DLC1: variants seen among roughly 807,000 people sequenced by gnomAD.
DLC1 encodes the protein rho GTPase-activating protein 7.
Under a neutral mutation model 140.3 loss-of-function variants are expected in DLC1, and 54 were observed. That is an observed-to-expected ratio of 0.38 (90% CI 0.31 to 0.48). The LOEUF is 0.48. Among genes scored for constraint, DLC1 ranks in the 20% least tolerant of loss-of-function variants. The probability of loss-of-function intolerance (pLI) is 0.96; values close to 1 mark genes in which losing one functional copy is unlikely to be tolerated. For missense variants in DLC1, 2,536 were observed against 1,907.0 expected (o/e 1.33, Z -6.14); for synonymous variants, 986 against 728.1 (o/e 1.35, Z -5.70).
At chr8:13,279,092 T>G (rs1831272894) in intron 5 of DLC1, among the ~76,000 whole-genome samples, 1 of 152,216 alleles carries the variant, frequency 6.6e-6, no homozygotes, top group Non-Finnish European at 1.5e-5. Context: ...TACTAAGCTA[T>G]GAGCTAATGC....
chr8:13,597,950 A>G (rs1805736932), intron 1 of DLC1, among the ~76,000 whole-genome samples: 1 of 152,060 alleles, frequency 6.6e-6, no homozygotes, highest in South Asian at 2.1e-4. Context: ...GCAGATGTGA[A>G]TAATTTATTG....
chr8:13,565,512 G>A (rs1449720681), intron 1 of DLC1, among the ~76,000 whole-genome samples: 2 of 152,140 alleles, frequency 1.3e-5, no homozygotes, highest in African/African-American at 4.8e-5. Flanking sequence ...ACCATTATAT[G>A]ATAAAATAAA....
At chr8:13,506,595 A>ATACACG (rs1554534400) in intron 1 of DLC1, among the ~76,000 whole-genome samples, 42 of 129,820 alleles carry the variant, frequency 3.2e-4, no homozygotes, top group East Asian at 1.3e-3. Context: ...ATATATATAT[A>ATACACG]TATATATATA....
At chr8:13,302,846 G>A (rs1423809338) in intron 5 of DLC1, among the ~76,000 whole-genome samples, 1 of 151,844 alleles carries the variant, frequency 6.6e-6, no homozygotes, top group Non-Finnish European at 1.5e-5. Flanking sequence ...GAAGCTTACA[G>A]AGATTCATAA....
At chr8:13,452,909 G>C (rs1799134673) in intron 2 of DLC1, among the ~76,000 whole-genome samples, 1 of 152,128 alleles carries the variant, frequency 6.6e-6, no homozygotes, top group Non-Finnish European at 1.5e-5. Context: ...CTAATTTCCG[G>C]ATGAGAATGG....
At chr8:13,150,080 T>C (rs953952716) in intron 5 of DLC1, among the ~76,000 whole-genome samples, 3 of 152,346 alleles carry the variant, frequency 2.0e-5, no homozygotes, top group South Asian at 2.1e-4. Flanking sequence ...ATGTCTTTTG[T>C]GGTCTGGGAT....
intron 5 of DLC1, among the ~76,000 whole-genome samples, chr8:13,124,203 G>C (rs896400147): frequency 6.6e-6 from 1 of 152,192 alleles, no homozygotes; most frequent in Non-Finnish European, 1.5e-5. Context: ...ACATAGGAAA[G>C]ACATGTGTGA....
At chr8:13,579,354 T>A (rs1563454039) in intron 1 of DLC1, among the ~76,000 whole-genome samples, 2 of 31,096 alleles carry the variant, frequency 6.4e-5, no homozygotes, top group African/African-American at 3.0e-4. Context: ...TATATATATA[T>A]ATATATATTT....
intron 5 of DLC1, among the ~76,000 whole-genome samples, chr8:13,157,263 G>T: frequency 6.6e-6 from 1 of 152,048 alleles, no homozygotes; most frequent in Non-Finnish European, 1.5e-5. Context: ...AATAATCTTT[G>T]ACAGTAAAAA....
intron 5 of DLC1, among the ~76,000 whole-genome samples, chr8:13,280,911 C>A (rs192810183): frequency 6.6e-4 from 101 of 152,294 alleles, no homozygotes; most frequent in Non-Finnish European, 1.3e-4. Context: ...TATGAGTGAT[C>A]CAGCCCCTGA....
chr8:13,324,691 T>C (rs1264233958), intron 4 of DLC1, among the ~76,000 whole-genome samples: 1 of 152,310 alleles, frequency 6.6e-6, no homozygotes, highest in East Asian at 1.9e-4. Flanking sequence ...ATATAAACCA[T>C]GTACTTTTAC....
intron 5 of DLC1, among the ~76,000 whole-genome samples, chr8:13,185,288 T>TTTTGTTTGTTTGTTTG (rs555796835): frequency 6.9e-6 from 1 of 144,374 alleles, no homozygotes; most frequent in African/African-American, 2.6e-5. Context: ...TTTCTGTTTT[T>TTTTGTTTGTTTGTTTG]TTTGTTTGTT....
chr8:13,580,900 G>T lies in DLC1; in HGVS notation c.-126+23637C>A, dbSNP rs77774885. ...GATTGTTTTCTATTGTGATGAGGGG[G>T]TGAGGATGGGTGAGGGCTCCCCAGC... On this transcript the variant is annotated intron_variant, in intron 1 of 1. Coordinates refer to the DLC1 transcript ENST00000631382. Among the ~76,000 whole-genome samples, 472 of 152,306 alleles carry T rather than the reference G, an allele frequency of 3.1e-3. 5 individuals are homozygous for T. The highest frequency in any genetic ancestry group is 9.3e-3 in the African/African-American group (388 of 41,568).
chr8:13,490,845 G>A (rs572024482), intron 2 of DLC1, among the ~76,000 whole-genome samples: 1 of 152,026 alleles, frequency 6.6e-6, no homozygotes, highest in Non-Finnish European at 1.5e-5. Flanking sequence ...AACAGCTGAT[G>A]TAAATGTGCG....
chr8:13,164,340 G>A (rs1304144453), intron 5 of DLC1, among the ~76,000 whole-genome samples: 1 of 144,214 alleles, frequency 6.9e-6, no homozygotes, highest in Non-Finnish European at 1.5e-5. Flanking sequence ...CTGTCTGTCT[G>A]TCTGTCTGTC....
chr8:13,364,676 A>C (rs902420278), intron 4 of DLC1, among the ~76,000 whole-genome samples: 1 of 152,222 alleles, frequency 6.6e-6, no homozygotes, highest in Non-Finnish European at 1.5e-5. Context: ...ACATAAGCTT[A>C]CATGGATTCC....
chr8:13,549,457 C>A (rs547302406), intron 1 of DLC1, among the ~76,000 whole-genome samples: 1 of 152,118 alleles, frequency 6.6e-6, no homozygotes, highest in Non-Finnish European at 1.5e-5. Flanking sequence ...ACTGCTTCAA[C>A]CCTCCAATTA....
At chr8:13,361,129 G>A (rs1414586844) in intron 4 of DLC1, among the ~76,000 whole-genome samples, 1 of 149,410 alleles carries the variant, frequency 6.7e-6, no homozygotes, top group African/African-American at 2.4e-5. Context: ...CTGCTCAGGA[G>A]GTTGAGGTAG....
chr8:13,246,698 A>G (rs1422278965), intron 5 of DLC1, among the ~76,000 whole-genome samples: 1 of 151,756 alleles, frequency 6.6e-6, no homozygotes, highest in African/African-American at 2.4e-5. Flanking sequence ...ATCACCTGAC[A>G]CCCACTTGCA....
Sources: allele counts gnomAD v4.1 joint callset (sites outside exome capture counted in the v4.1 genomes callset), GRCh38; gene constraint gnomAD v4.1.1; transcripts MANE v1.5; gene names NCBI Gene and HGNC (gene_info 2026-07-23, HGNC 2026-07-21).